The following SGSM1 variants were observed in gnomAD, a reference collection of about 807,000 sequenced individuals.
The protein encoded by SGSM1 is RUN and TBC1 domain containing 2.
In SGSM1, 73 loss-of-function variants were observed where a neutral mutation model predicts 133.8. The ratio of observed to expected loss-of-function variants is 0.55; its 90% CI spans 0.45 to 0.66. The LOEUF (loss-of-function observed/expected upper bound fraction) is 0.66, where lower values mean the gene tolerates loss of function less well. Ranked by LOEUF, SGSM1 falls within the 30% of genes least tolerant of loss-of-function variation. SGSM1 has a pLI of 0.00. For missense variants in SGSM1, 1,213 were observed against 1,448.1 expected, an observed-to-expected ratio of 0.84 and a Z score of 2.64; for synonymous variants, 563 against 573.0, an observed-to-expected ratio of 0.98 and a Z score of 0.25.
intron 19 of SGSM1, among the ~76,000 whole-genome samples, chr22:24,900,346 T>A (rs930583080): frequency 2.3e-5 from 1 of 43,244 alleles, no homozygotes; most frequent in Admixed American, 3.9e-4. Flanking sequence ...ACCTCTTCTT[T>A]CTTTCTTTCT....
intron 21 of SGSM1, among the ~76,000 whole-genome samples, chr22:24,911,063 T>C (rs1415782264): frequency 6.6e-6 from 1 of 151,884 alleles, no homozygotes; most frequent in Non-Finnish European, 1.5e-5. Flanking sequence ...TGGTGAAACG[T>C]CACCTCTACA....
At position 24,876,692 on chromosome 22, in the gene SGSM1, G is replaced by C; in HGVS notation, c.1407G>C (p.Ser469=). 2 of 1,613,862 alleles carry C rather than the reference G, an allele frequency of 1.2e-6. No homozygotes were observed. The highest frequency in any genetic ancestry group is 1.7e-6 in the Non-Finnish European group (2 of 1,179,862). ...AGAGTGGCTCGGCTGATGGTAGCTC[G>C]ACCAATGGCTGCAACCATGAGAGGT... is the stretch of plus-strand genomic sequence containing the variant. ...CSQSGSADGS[S]TNGCNHERAP... The change falls in exon 13 of 25, where the codon TCG becomes TCC. Residue 469 remains serine (S), a synonymous_variant. Transcript: ENST00000400358.
rs370915398 is a variant in SGSM1, at chr22:24,855,349, G to A, written c.588G>A (p.Ser196=). 68 of 1,613,342 alleles carry A rather than the reference G, an allele frequency of 4.2e-5. No homozygotes were observed. In the African/African-American group the frequency reaches 4.8e-4, roughly 11 times the overall value. ...CAGATCACTTCTGGACCGATCCCTC[G>A]GCTGACGAACTTGTCCAGAGGCACC... ...KTADHFWTDP[S]ADELVQRHRI... Residue 196 remains serine (S), a synonymous_variant, in exon 7 of 25, where the codon TCG becomes TCA. Coordinates refer to ENST00000400358, the MANE Select transcript of SGSM1 (RefSeq NM_001098497.3).
chr22:24,829,110 G>C (rs1028157503), intron 2 of SGSM1, among the ~76,000 whole-genome samples: 4 of 152,032 alleles, frequency 2.6e-5, no homozygotes, highest in Admixed American at 1.3e-4. Flanking sequence ...GCAGGAGAAT[G>C]GCGTGAACCC....
intron 2 of SGSM1, among the ~76,000 whole-genome samples, chr22:24,831,414 G>A (rs555184996): frequency 1.3e-5 from 2 of 152,266 alleles, no homozygotes; most frequent in East Asian, 3.9e-4. Flanking sequence ...CATTGGATGT[G>A]CACCTCCCGG....
At chr22:24,823,331 G>C (rs983290874) in intron 2 of SGSM1, among the ~76,000 whole-genome samples, 1 of 151,972 alleles carries the variant, frequency 6.6e-6, no homozygotes, top group Non-Finnish European at 1.5e-5. Context: ...TGCCAGGCGC[G>C]GTGGCTCGCA....
chr22:24,806,822 CAA>C (rs1382632088), intron 2 of SGSM1, among the ~76,000 whole-genome samples: 3 of 151,830 alleles, frequency 2.0e-5, no homozygotes, highest in Non-Finnish European at 4.4e-5. Context: ...GGGGACCTTC[CAA>C]GAGAGAGAAG....
chr22:24,901,827 C>G lies in SGSM1; in HGVS notation c.2611-6C>G. ...TCCCCCTACCCCCTGCCCCGATGGC[C>G]TATAGCCAGAGCTGCTGGATCTGTA... On this transcript the variant is annotated splice_polypyrimidine_tract_variant and splice_region_variant and intron_variant, in intron 19 of 24. Transcript: ENST00000400358. 1 of 1,612,684 alleles carries G rather than the reference C, an allele frequency of 6.2e-7. No individual in the cohort carries two copies. Among genetic ancestry groups the G allele is most frequent in the South Asian group, 1.1e-5 (1 of 90,572 alleles).
intron 22 of SGSM1, among the ~76,000 whole-genome samples, chr22:24,915,961 C>A (rs1181062393): frequency 6.6e-6 from 1 of 152,100 alleles, no homozygotes; most frequent in Non-Finnish European, 1.5e-5. Context: ...ACATACTTTT[C>A]TTTCTGTACA....
intron 2 of SGSM1, among the ~76,000 whole-genome samples, chr22:24,818,962 TG>T (rs1928299890): frequency 1.3e-5 from 2 of 151,734 alleles, no homozygotes; most frequent in Admixed American, 1.3e-4. Flanking sequence ...CTGGCTAACA[TG>T]ATGAAACCCC....
intron 12 of SGSM1, among the ~76,000 whole-genome samples, chr22:24,872,796 G>A (rs982805969): frequency 2.0e-5 from 3 of 152,104 alleles, no homozygotes; most frequent in East Asian, 1.9e-4. Context: ...GCACATGTCT[G>A]TAGTCCCAGT....
chr22:24,816,749 C>T (rs1352309342), intron 2 of SGSM1, among the ~76,000 whole-genome samples: 1 of 152,180 alleles, frequency 6.6e-6, no homozygotes, highest in African/African-American at 2.4e-5. Context: ...ATGATGTCAT[C>T]AGGACACTGT....
intron 24 of SGSM1, among the ~76,000 whole-genome samples, 178 bp downstream of exon 24, chr22:24,920,171 G>A (rs1039667869): frequency 3.9e-5 from 6 of 152,102 alleles, no homozygotes; most frequent in African/African-American, 1.4e-4. Flanking sequence ...TAATGCTGAG[G>A]GTGCATTTTT....
intron 2 of SGSM1, chr22:24,814,006 C>T (rs1181784336): frequency 6.6e-6 from 1 of 152,264 alleles, no homozygotes; most frequent in Non-Finnish European, 1.5e-5. Flanking sequence ...TGGCTCCTAA[C>T]AGGTCCCTTC....
At position 24,898,281 on chromosome 22, in the gene SGSM1, G is replaced by C; in HGVS notation, c.2332G>C (p.Val778Leu). ...TGAGGCTCCCCGGGAGGAGCTGGCCGTGCAGGACAGCCTGGAGAGTGACCT... is the reference window on the plus strand; with the variant it reads ...TGAGGCTCCCCGGGAGGAGCTGGCCCTGCAGGACAGCCTGGAGAGTGACCT... ...QDEAPREELA[V>L]QDSLESDLLA... is the part of the protein sequence containing the mutation. Residue 778 changes from valine (V) to leucine (L), a missense_variant, in exon 19 of 25, where the codon GTG becomes CTG. Coordinates refer to ENST00000400358, the MANE Select transcript of SGSM1 (RefSeq NM_001098497.3). 2 of 1,613,906 alleles carry C rather than the reference G, an allele frequency of 1.2e-6. No individual in the cohort carries two copies. Among genetic ancestry groups the C allele is most frequent in the Non-Finnish European group, 1.7e-6 (2 of 1,179,852 alleles).
chr22:24,889,654 A>ATTTTTT (rs201034986), intron 16 of SGSM1, among the ~76,000 whole-genome samples: 1 of 134,340 alleles, frequency 7.4e-6, no homozygotes, highest in South Asian at 2.3e-4. Flanking sequence ...CCTTAAATTG[A>ATTTTTT]TTTTTTTTTT....
chr22:24,900,490 C>G (rs1355111717), intron 19 of SGSM1, among the ~76,000 whole-genome samples: 1 of 151,930 alleles, frequency 6.6e-6, no homozygotes, highest in Non-Finnish European at 1.5e-5. Context: ...ACCTCCGCCT[C>G]CCGGGTTCAA....
chr22:24,863,850 T>C (rs1323265574), intron 9 of SGSM1, among the ~76,000 whole-genome samples: 2 of 151,730 alleles, frequency 1.3e-5, no homozygotes, highest in Non-Finnish European at 2.9e-5. Context: ...CAAGCGATTT[T>C]CCTGCCTCAG....
At chr22:24,859,510 A>T in intron 8 of SGSM1, 1 of 667,922 alleles carries the variant, frequency 1.5e-6, no homozygotes, top group African/African-American at 1.8e-5. Flanking sequence ...ACGATGTAGA[A>T]CCCATTTGGG....
Sources: gnomAD v4.1 joint callset for allele counts (sites outside exome capture counted in the v4.1 genomes callset) on GRCh38, gnomAD v4.1.1 for gene constraint, MANE v1.5 for transcripts, NCBI Gene and HGNC (gene_info 2026-07-23, HGNC 2026-07-21) for gene names.